Variants in GP6 observed in about 807,000 individuals in gnomAD.
GP6 encodes platelet glycoprotein VI.
GP6 carries 45 observed loss-of-function variants against 37.3 expected under a neutral mutation model. That is an observed-to-expected ratio of 1.21 (90% CI 0.95 to 1.55). GP6 has a LOEUF of 1.55. Ranked by LOEUF, GP6 falls within the 40% of genes most tolerant of loss-of-function variation. GP6 has a pLI of 0.00. For missense variants in GP6, 813 were observed against 760.2 expected (o/e 1.07, Z -0.82); for synonymous variants, 340 against 316.4 (o/e 1.07, Z -0.79).
intron 6 of GP6, among the ~76,000 whole-genome samples, chr19:55,018,007 A>G (rs148444706): frequency 6.6e-6 from 1 of 152,006 alleles, no homozygotes; most frequent in African/African-American, 2.4e-5. Context: ...AGCAGAGGTT[A>G]CAGTGAGCCG....
At chr19:55,017,061 A>G (rs8106615) in intron 6 of GP6, among the ~76,000 whole-genome samples, 34,774 of 151,464 alleles carry the variant, frequency 0.23, 4,381 homozygotes, top group East Asian at 0.55. Context: ...CAAAAAAACC[A>G]TAAGACATTG....
intron 5 of GP6, among the ~76,000 whole-genome samples, chr19:55,024,309 T>TGCACGCACACACACATGCACGCACAC (rs1357661954): frequency 3.1e-5 from 4 of 130,056 alleles, no homozygotes; most frequent in East Asian, 4.5e-4. Context: ...TGCACACACA[T>TGCACGCACACACACATGCACGCACAC]ATGCACGCAC....
At chr19:55,032,607 GTGA>G in intron 1 of GP6, 69 bp from the exon 2 acceptor site, 1 of 1,507,738 alleles carries the variant, frequency 6.6e-7, no homozygotes, top group Admixed American at 1.8e-5. Context: ...GCTGGGCGCG[GTGA>G]TAAGACATTT....
chr19:55,015,192 A>T lies in GP6; in HGVS notation c.780-27T>A, dbSNP rs563496356. On this transcript the variant is annotated intron_variant, in intron 7 of 7. Coordinates refer to ENST00000310373, the MANE Select transcript of GP6 (RefSeq NM_001083899.2). ...TGGAGGAATGAGGAGAGGCAGGAGC[A>T]GGTGAAAGAGCCCACCTCCAGGACC... is the stretch of plus-strand genomic sequence containing the variant. 3.2e-6 allele frequency: 5 copies of T among 1,551,260 alleles called. No homozygotes were observed. In the Admixed American group the frequency reaches 9.8e-5, roughly 30 times the overall value.
chr19:55,016,890 T>C (rs1418497765), intron 6 of GP6, among the ~76,000 whole-genome samples: 1 of 151,500 alleles, frequency 6.6e-6, no homozygotes, highest in East Asian at 2.0e-4. Context: ...ACCCCGTCTT[T>C]ACTAAAAATA....
chr19:55,016,023 C>T (rs984800016), intron 6 of GP6, among the ~76,000 whole-genome samples: 2 of 151,980 alleles, frequency 1.3e-5, no homozygotes, highest in African/African-American at 4.8e-5. Context: ...CCAGTAATCC[C>T]AGCTACTCAG....
rs768256234 is a variant in GP6, at chr19:55,014,871, C to A, written c.1074G>T (p.Gly358=). 7.4e-6 allele frequency: 12 copies of A among 1,614,072 alleles called. No homozygotes were observed. The Middle Eastern group carries it at 1.2e-3, about 155-fold the overall frequency. The change falls in exon 8 of 8, where the codon GGG becomes GGT. Residue 358 remains glycine, a synonymous_variant. Coordinates refer to ENST00000310373, the MANE Select transcript of GP6 (RefSeq NM_001083899.2). The stretch of plus-strand genomic sequence containing the variant: ...ACACACGCCAGTCTTTGAGTCGCCT[C>A]CCATGCCATGATCCCTCCCTTGGAT...
chr19:55,027,946 G>C, intron 3 of GP6, 84 bp from the exon 4 acceptor site: 1 of 1,392,556 alleles, frequency 7.2e-7, no homozygotes, highest in Non-Finnish European at 1.0e-6. Context: ...CTGCCTAAGA[G>C]CTGGGGAGCT....
chr19:55,014,867 G>A lies in GP6; in HGVS notation c.1078C>T (p.Arg360Ter), dbSNP rs1460585896. The change falls in exon 8 of 8, where the codon CGA becomes TGA. Residue 360 changes from arginine to a stop codon, truncating the protein, a stop_gained. Transcript: ENST00000310373. LOFTEE classifies it low-confidence loss of function (END_TRUNC). Reference sequence around the variant, plus strand: ...CTCCACACACGCCAGTCTTTGAGTCGCCTCCCATGCCATGATCCCTCCCTT... The same window carrying A: ...CTCCACACACGCCAGTCTTTGAGTCACCTCCCATGCCATGATCCCTCCCTT... 7 of 1,613,790 alleles carry A rather than the reference G, an allele frequency of 4.3e-6. No individual in the cohort carries two copies. The East Asian group carries it at 8.9e-5, about 21-fold the overall frequency.
rs1671205 is a variant in GP6 at position 55,032,467 on chromosome 19, G to A, written c.67+39C>T. On this transcript the variant is annotated intron_variant, in intron 2 of 7. Transcript: ENST00000310373. The stretch of plus-strand genomic sequence containing the variant: ...TGGACCCCGCTGCTCCCGCGCTGGC[G>A]GATCCCGCAGGAGGGAAGGGGTCTG... The A allele has an allele frequency of 8.7e-4, 1,404 of 1,613,518 alleles. 14 individuals carry two copies. In the African/African-American group the frequency reaches 0.016, roughly 19 times the overall value.
chr19:55,029,108 A>G (rs10426655), intron 3 of GP6, among the ~76,000 whole-genome samples: 20,891 of 147,268 alleles, frequency 0.14, 2,045 homozygotes, highest in Non-Finnish European at 0.21. Context: ...AAGAGGAAGG[A>G]AGGGAGGGAG....
In GP6 at chr19:55,014,056, C is replaced by A. The variant is rs2073745069; in HGVS notation, c.*26G>T. On this transcript the variant is annotated 3_prime_UTR_variant, in exon 8 of 8. Transcript: ENST00000310373. ...ATTTATGGGGTGGACAGCAATATTGCAGTACATGTATACAACGTGCTATGA... is the reference window on the plus strand; with the variant it reads ...ATTTATGGGGTGGACAGCAATATTGAAGTACATGTATACAACGTGCTATGA... 1 of 601,858 alleles carries A rather than the reference C, an allele frequency of 1.7e-6. No individual in the cohort carries two copies. The highest frequency in any genetic ancestry group is 3.1e-6 in the Non-Finnish European group (1 of 321,088). 37.3% of individuals were successfully genotyped at this position (601,858 alleles called of 1,614,324 possible).
At chr19:55,030,544 T>C (rs1359441736) in intron 3 of GP6, among the ~76,000 whole-genome samples, 2 of 152,012 alleles carry the variant, frequency 1.3e-5, no homozygotes, top group African/African-American at 4.8e-5. Context: ...GGTTTCACCA[T>C]GTTGGCCAGG....
intron 3 of GP6, among the ~76,000 whole-genome samples, chr19:55,028,510 A>C (rs1413590130): frequency 3.9e-5 from 6 of 152,212 alleles, no homozygotes; most frequent in Non-Finnish European, 7.3e-5. Context: ...ATTCTCACAC[A>C]CAAAAAAGTT....
At chr19:55,018,732 T>G in intron 5 of GP6, 21 bp from the exon 6 acceptor site, 1 of 1,571,478 alleles carries the variant, frequency 6.4e-7, no homozygotes, top group Non-Finnish European at 8.8e-7. Flanking sequence ...AAAACAATGT[T>G]AGGTCTTCCC....
chr19:55,015,414 C>T (rs567508817), intron 7 of GP6, among the ~76,000 whole-genome samples: 61 of 152,302 alleles, frequency 4.0e-4, no homozygotes, highest in Non-Finnish European at 6.3e-4. Flanking sequence ...ACAGATGCTG[C>T]CTCGTTATCT....
intron 1 of GP6, among the ~76,000 whole-genome samples, chr19:55,036,984 C>A (rs1279152412): frequency 6.6e-6 from 1 of 152,138 alleles, no homozygotes; most frequent in East Asian, 1.9e-4. Context: ...GCATTCCAGC[C>A]TGAGCGACCG....
intron 4 of GP6, among the ~76,000 whole-genome samples, chr19:55,026,145 C>T (rs1265605883): frequency 2.6e-5 from 4 of 152,208 alleles, no homozygotes; most frequent in African/African-American, 9.7e-5. Context: ...TCCTACCCCT[C>T]ACTGTGACCC....
chr19:55,018,869 T>C (rs1402272167), intron 5 of GP6, 158 bp from the exon 6 acceptor site: 12 of 700,952 alleles, frequency 1.7e-5, no homozygotes, highest in African/African-American at 3.5e-5. Flanking sequence ...GTAAGACTTA[T>C]CTTCCATGAC....
Sources: allele counts gnomAD v4.1 joint callset (sites outside exome capture counted in the v4.1 genomes callset), GRCh38; gene constraint gnomAD v4.1.1; transcripts MANE v1.5; gene names NCBI Gene and HGNC (gene_info 2026-07-23, HGNC 2026-07-21).